Variants in PLCE1 observed in about 807,000 individuals in gnomAD.
PLCE1 encodes phospholipase C epsilon 1, also known as 1-phosphatidylinositol 4,5-bisphosphate phosphodiesterase epsilon-1.
Under a neutral mutation model 242.8 loss-of-function variants are expected in PLCE1, and 119 were observed. That is an observed-to-expected ratio of 0.49 (90% CI 0.42 to 0.57). The LOEUF (loss-of-function observed/expected upper bound fraction) is 0.57. PLCE1 is among the 20% of genes least tolerant of loss of function. The pLI is 0.00. For synonymous variants in PLCE1, 945 were observed against 1,017.4 expected (o/e 0.93, Z 1.35); for missense variants, 2,441 against 2,788.8 (o/e 0.88, Z 2.81).
intron 29 of PLCE1, among the ~76,000 whole-genome samples, chr10:94,320,862 A>T (rs539104722): frequency 3.9e-5 from 6 of 152,334 alleles, no homozygotes; most frequent in African/African-American, 1.4e-4. Flanking sequence ...ACATTTGAAC[A>T]TCCACAGCAA....
chr10:94,086,707 A>G (rs1003919716), intron 2 of PLCE1, among the ~76,000 whole-genome samples: 8 of 152,240 alleles, frequency 5.3e-5, no homozygotes, highest in Non-Finnish European at 1.2e-4. Context: ...GAGGTGTCTC[A>G]GGATTGCTCT....
chr10:94,014,237 T>A (rs985594930), intron 1 of PLCE1, among the ~76,000 whole-genome samples: 1 of 152,148 alleles, frequency 6.6e-6, no homozygotes, highest in Non-Finnish European at 1.5e-5. Flanking sequence ...CTAAGGCAGC[T>A]AAGAGGTTAG....
chr10:94,037,933 A>T (rs949602997), intron 2 of PLCE1, among the ~76,000 whole-genome samples: 1 of 151,892 alleles, frequency 6.6e-6, no homozygotes, highest in Non-Finnish European at 1.5e-5. Context: ...GATTATTATT[A>T]TTTTTCTTTT....
chr10:94,188,998 T>TAAAAAAAAAA (rs904632569), intron 4 of PLCE1, among the ~76,000 whole-genome samples: 1 of 73,824 alleles, frequency 1.4e-5, no homozygotes. Flanking sequence ...TAGGAGAAAG[T>TAAAAAAAAAA]AAAAAAAAAA....
rs1233710771 is a variant in PLCE1, at chr10:94,304,595, C to T, written c.5572C>T (p.Pro1858Ser). The T allele has an allele frequency of 1.2e-6, 2 of 1,614,062 alleles. No homozygotes were observed. The highest frequency in any genetic ancestry group is 1.7e-6 in the Non-Finnish European group (2 of 1,179,958). ...KNCPMYQKFS[P>S]LERDLDSMDP... Reference sequence around the variant, plus strand: ...CTGCCCCATGTATCAGAAGTTTTCTCCACTAGAAAGAGATCTGGACAGCAT... The same window carrying T: ...CTGCCCCATGTATCAGAAGTTTTCTTCACTAGAAAGAGATCTGGACAGCAT... The change falls in exon 25 of 33, where the codon CCA becomes TCA. Residue 1858 changes from proline (P) to serine (S), a missense_variant. Transcript: ENST00000371380.
At position 94,203,225 on chromosome 10, in the gene PLCE1, A is replaced by G. The variant is rs1317562983; in HGVS notation, c.1810-24081A>G. Among the ~76,000 whole-genome samples the G allele has an allele frequency of 3.3e-5, 5 of 152,266 alleles. No individual in the cohort carries two copies. The East Asian group carries it at 9.7e-4, about 29-fold the overall frequency. On this transcript the variant is annotated intron_variant, in intron 4 of 32. Transcript: ENST00000371380. Reference sequence around the variant, plus strand: ...GCACCTATACACAGTGGTGCTGCAGATGGATCATGGCTCTGTCACACTCTG... The same window carrying G: ...GCACCTATACACAGTGGTGCTGCAGGTGGATCATGGCTCTGTCACACTCTG...
intron 28 of PLCE1, among the ~76,000 whole-genome samples, chr10:94,313,681 G>A (rs2053464165): frequency 6.6e-6 from 1 of 152,168 alleles, no homozygotes; most frequent in Admixed American, 6.5e-5. Context: ...ACCGGAATGA[G>A]TGGCCTTCCA....
At chr10:94,138,314 G>C in intron 3 of PLCE1, 2 of 355,602 alleles carry the variant, frequency 5.6e-6, no homozygotes, top group South Asian at 5.1e-5. Flanking sequence ...CATGGAAGAG[G>C]CCTTCTATGC....
At chr10:94,084,994 A>C (rs887959075) in intron 2 of PLCE1, among the ~76,000 whole-genome samples, 1 of 152,194 alleles carries the variant, frequency 6.6e-6, no homozygotes, top group Non-Finnish European at 1.5e-5. Context: ...GCAGAAATGA[A>C]TGAATACCCC....
chr10:94,222,880 A>T (rs2049802505), intron 4 of PLCE1, among the ~76,000 whole-genome samples: 1 of 152,174 alleles, frequency 6.6e-6, no homozygotes, highest in Non-Finnish European at 1.5e-5. Flanking sequence ...TGCTGTTTGG[A>T]CAGGGAATTT....
In PLCE1 at chr10:94,005,317, A is replaced by C. The variant is rs116855308; in HGVS notation, c.-365+11059A>C. The stretch of plus-strand genomic sequence containing the variant: ...TGCTCTTGTATTGAGGAAGCCATTC[A>C]GGTTAATCTAGAGTAACTAGTTCAC... On this transcript the variant is annotated intron_variant, in intron 1 of 32. Coordinates refer to ENST00000371380, the MANE Select transcript of PLCE1 (RefSeq NM_016341.4). Among the ~76,000 whole-genome samples, 1,044 of 152,310 alleles carry C rather than the reference A, an allele frequency of 6.9e-3. 11 individuals are homozygous for C. The highest frequency in any genetic ancestry group is 9.7e-3 in the Non-Finnish European group (662 of 68,020).
At chr10:94,132,524 T>C in intron 3 of PLCE1, 65 bp downstream of exon 3, 1 of 1,434,276 alleles carries the variant, frequency 7.0e-7, no homozygotes. Flanking sequence ...TAAGTTAAGA[T>C]TTATGTATCT....
chr10:94,203,949 T>C lies in PLCE1; in HGVS notation c.1810-23357T>C, dbSNP rs562697693. ...TGAAAGTTTCTTCTAACTAGTTGTT[T>C]GTGGCTGATAGCAAAGGCAACCTCT... On this transcript the variant is annotated intron_variant, in intron 4 of 32. Coordinates refer to ENST00000371380, the MANE Select transcript of PLCE1 (RefSeq NM_016341.4). Among the ~76,000 whole-genome samples, 42 of 152,360 alleles carry C rather than the reference T, an allele frequency of 2.8e-4. 1 individual carries two copies. The South Asian group carries it at 8.1e-3, about 29-fold the overall frequency.
At chr10:94,278,777 A>G (rs572175227) in intron 19 of PLCE1, among the ~76,000 whole-genome samples, 15 of 152,012 alleles carry the variant, frequency 9.9e-5, no homozygotes, top group Non-Finnish European at 1.2e-4. Context: ...AAACAAATAC[A>G]GAATTATATG....
chr10:94,298,696 T>C lies in PLCE1; in HGVS notation c.5458+27T>C, dbSNP rs761368111. 6 of 1,612,430 alleles carry C rather than the reference T, an allele frequency of 3.7e-6. No homozygotes were observed. The South Asian group carries it at 5.5e-5, about 15-fold the overall frequency. On this transcript the variant is annotated intron_variant, in intron 24 of 32. Transcript: ENST00000371380. The surrounding 1 kb of genome is among the most constrained non-coding windows in gnomAD (Gnocchi z 5.2). ...TAAGGGGCCTGCATGCTCACCTCGC[T>C]CCTTTGCATCTTACATTTCAGTAAA... is the stretch of plus-strand genomic sequence containing the variant.
chr10:94,114,622 A>AG (rs2046060545), intron 2 of PLCE1, among the ~76,000 whole-genome samples: 1 of 151,942 alleles, frequency 6.6e-6, no homozygotes, highest in Non-Finnish European at 1.5e-5. Flanking sequence ...TCCTACTATT[A>AG]TAATCTCCAC....
intron 29 of PLCE1, among the ~76,000 whole-genome samples, chr10:94,320,642 C>A (rs1327777266): frequency 6.6e-6 from 1 of 152,166 alleles, no homozygotes; most frequent in East Asian, 1.9e-4. Flanking sequence ...GTTTTCCTGC[C>A]AAGACCTCAC....
At chr10:94,180,163 T>A (rs185210502) in intron 4 of PLCE1, among the ~76,000 whole-genome samples, 41 of 152,278 alleles carry the variant, frequency 2.7e-4, no homozygotes, top group Admixed American at 2.2e-3. Context: ...AATCAAAAGC[T>A]GAGGGACCTT....
At position 94,260,379 on chromosome 10, in the gene PLCE1, C is replaced by A. The variant is rs555026456; in HGVS notation, c.3814+1229C>A. ...CCCATGCATTTTCTAACCACTTATGCATTTCCAGCCTATCATTTTCCTCCT... is the reference window on the plus strand; with the variant it reads ...CCCATGCATTTTCTAACCACTTATGAATTTCCAGCCTATCATTTTCCTCCT... On this transcript the variant is annotated intron_variant, in intron 13 of 32. Coordinates refer to ENST00000371380, the MANE Select transcript of PLCE1 (RefSeq NM_016341.4). Among the ~76,000 whole-genome samples the A allele has an allele frequency of 3.3e-5, 5 of 152,330 alleles. No individual in the cohort carries two copies. In the South Asian group the frequency reaches 1.0e-3, roughly 32 times the overall value.
Sources: gnomAD v4.1 joint callset for allele counts (sites outside exome capture counted in the v4.1 genomes callset) on GRCh38, gnomAD v4.1.1 for gene constraint, Gnocchi (gnomAD v3.1) non-coding constraint, MANE v1.5 for transcripts, NCBI Gene and HGNC (gene_info 2026-07-23, HGNC 2026-07-21) for gene names.